The following NPLOC4 variants were observed in gnomAD, a reference collection of about 807,000 sequenced individuals.
NPLOC4 encodes NPL4 homolog, ubiquitin recognition factor.
In NPLOC4, 18 loss-of-function variants were observed where a neutral mutation model predicts 80.6. The ratio of observed to expected loss-of-function variants is 0.22; its 90% CI spans 0.15 to 0.33. The LOEUF is 0.33. Among genes scored for constraint, NPLOC4 ranks in the 10% least tolerant of loss-of-function variants. The probability of loss-of-function intolerance (pLI) is 1.00; values close to 1 mark genes in which losing one functional copy is unlikely to be tolerated. For missense variants in NPLOC4, 540 were observed against 786.1 expected (o/e 0.69, Z 3.74); for synonymous variants, 313 against 301.5 (o/e 1.04, Z -0.39).
intron 8 of NPLOC4, among the ~76,000 whole-genome samples, chr17:81,602,429 G>T (rs1000448822): frequency 1.3e-5 from 2 of 152,160 alleles, no homozygotes; most frequent in South Asian, 4.1e-4. Context: ...ATCAGGCCGG[G>T]CGCAGTGGCT....
In NPLOC4 at chr17:81,589,004, C is replaced by T. The variant is rs775371586; in HGVS notation, c.1221G>A (p.Pro407=). ...DECLLPCKDA[P]ELGYAKESSS... is the part of the protein sequence containing the mutation. ...TAGACTCCTTGGCGTAGCCAAGCTC[C>T]GGGGCGTCCTTGCATGGCAGCAAAC... The change falls in exon 12 of 17, where the codon CCG becomes CCA. Residue 407 remains proline, a synonymous_variant. Transcript: ENST00000331134. 4 of 1,613,908 alleles carry T rather than the reference C, an allele frequency of 2.5e-6. No individual in the cohort carries two copies. The highest frequency in any genetic ancestry group is 2.2e-5 in the East Asian group (1 of 44,896).
intron 5 of NPLOC4, 44 bp downstream of exon 5, chr17:81,610,166 A>T (rs1397418995): frequency 3.9e-6 from 6 of 1,536,714 alleles, no homozygotes; most frequent in Non-Finnish European, 5.3e-6. Context: ...GTCTACCCGC[A>T]GCCCCCCACA....
At chr17:81,631,628 T>C (rs933109365) in intron 1 of NPLOC4, among the ~76,000 whole-genome samples, 5 of 151,816 alleles carry the variant, frequency 3.3e-5, no homozygotes, top group African/African-American at 1.2e-4. Context: ...GAGGATGACA[T>C]GGCATGCTCT....
chr17:81,589,753 T>A (rs1360535596), intron 11 of NPLOC4, among the ~76,000 whole-genome samples: 1 of 151,542 alleles, frequency 6.6e-6, no homozygotes, highest in East Asian at 1.9e-4. Context: ...ATCTGAGCAC[T>A]CTGAGAGGGC....
intron 11 of NPLOC4, among the ~76,000 whole-genome samples, chr17:81,591,974 T>A (rs1185703098): frequency 2.0e-5 from 3 of 152,220 alleles, no homozygotes; most frequent in Admixed American, 1.3e-4. Flanking sequence ...CACTGCACTG[T>A]CCTTCCACAG....
In NPLOC4 at chr17:81,557,668, G is replaced by A. The variant is rs1287943897; in HGVS notation, c.*1591C>T. ...AACTTCAGTGTGACAGCTGCTAGGA[G>A]GGAGAGCAGACAGCCCGCGGTGGGC... On this transcript the variant is annotated 3_prime_UTR_variant, in exon 17 of 17. Transcript: ENST00000331134. 2.0e-5 allele frequency: 3 copies of A among 152,334 alleles called. No individual in the cohort carries two copies. The highest frequency in any genetic ancestry group is 1.3e-4 in the Admixed American group (2 of 15,282). 9.4% of individuals were successfully genotyped at this position (152,334 alleles called of 1,614,324 possible). A position where few individuals can be genotyped will look rare whatever the true frequency, so the allele number is the denominator to read the frequency against.
chr17:81,599,906 G>C (rs964946620), intron 9 of NPLOC4, among the ~76,000 whole-genome samples: 1 of 152,178 alleles, frequency 6.6e-6, no homozygotes, highest in Non-Finnish European at 1.5e-5. Context: ...CACAGAACAT[G>C]AACACTGTCA....
At chr17:81,582,942 C>G (rs2034483539) in intron 12 of NPLOC4, among the ~76,000 whole-genome samples, 1 of 152,272 alleles carries the variant, frequency 6.6e-6, no homozygotes, top group Admixed American at 6.5e-5. Flanking sequence ...CACAAAAACC[C>G]AAGGAGCCTC....
In NPLOC4 at chr17:81,622,237, A is replaced by T. The variant is rs202010871; in HGVS notation, c.138T>A (p.Val46=). 3.1e-6 allele frequency: 5 copies of T among 1,613,936 alleles called. No homozygotes were observed. The highest frequency in any genetic ancestry group is 3.4e-6 in the Non-Finnish European group (4 of 1,179,838). ...EFGFQNNGFS[V]YINRNKTGEI... ...CTCCGGTCTTGTTTCTATTGATGTA[A>T]ACCGAGAAGCCATTATTTTGGAAGC... Residue 46 remains valine, a synonymous_variant, in exon 3 of 17, where the codon GTT becomes GTA. Transcript: ENST00000331134.
chr17:81,601,981 C>A (rs2035067959), intron 8 of NPLOC4, among the ~76,000 whole-genome samples: 1 of 151,886 alleles, frequency 6.6e-6, no homozygotes, highest in South Asian at 2.1e-4. Context: ...GGCTAGCCAT[C>A]CGGTGATCTC....
intron 12 of NPLOC4, among the ~76,000 whole-genome samples, chr17:81,576,144 G>C (rs555594764): frequency 6.6e-6 from 1 of 152,310 alleles, no homozygotes; most frequent in South Asian, 2.1e-4. Context: ...AGTGGGACTA[G>C]GTCAACCAGG....
At position 81,600,961 on chromosome 17, in the gene NPLOC4, G is replaced by A. The variant is rs74787657; in HGVS notation, c.835-534C>T. Among the ~76,000 whole-genome samples, 41 of 152,232 alleles carry A rather than the reference G, an allele frequency of 2.7e-4. No homozygotes were observed. In the East Asian group the frequency reaches 6.4e-3, roughly 24 times the overall value. On this transcript the variant is annotated intron_variant, in intron 8 of 16. Coordinates refer to ENST00000331134, the MANE Select transcript of NPLOC4 (RefSeq NM_017921.4). ...GGACACTATGAACTCCACAGAGAGC[G>A]ATGAGCTCACCAACCCTAAGGAAGG... is the stretch of plus-strand genomic sequence containing the variant.
rs867535055 is a variant in NPLOC4, at chr17:81,558,453, A to G, written c.*806T>C. The G allele has an allele frequency of 1.3e-5, 2 of 152,238 alleles. No individual in the cohort carries two copies. Among genetic ancestry groups the G allele is most frequent in the Admixed American group, 6.5e-5 (1 of 15,282 alleles). The allele number at this position is 152,238 out of a possible 1,614,324, so 9.4% of individuals were successfully genotyped here. ...AGAAAAGTCTCAGGCACTGAGGTTT[A>G]CTTCAAGGGAGAACTGACTGGTGCC... is the stretch of plus-strand genomic sequence containing the variant. On this transcript the variant is annotated 3_prime_UTR_variant, in exon 17 of 17. Transcript: ENST00000331134.
intron 2 of NPLOC4, among the ~76,000 whole-genome samples, chr17:81,622,531 T>G (rs924746771): frequency 1.3e-5 from 2 of 152,210 alleles, no homozygotes; most frequent in Non-Finnish European, 2.9e-5. Flanking sequence ...TTTAAGACTT[T>G]GAAGCAAACA....
chr17:81,633,961 G>C (rs1282645071), intron 1 of NPLOC4, among the ~76,000 whole-genome samples: 1 of 151,808 alleles, frequency 6.6e-6, no homozygotes, highest in Non-Finnish European at 1.5e-5. Context: ...CCGCCTCCCG[G>C]GTTCTAACTT....
At chr17:81,588,805 GA>G (rs2034658422) in intron 12 of NPLOC4, 138 bp downstream of exon 12, 1 of 690,024 alleles carries the variant, frequency 1.4e-6, no homozygotes, top group Non-Finnish European at 2.4e-6. Context: ...AAACGTGACA[GA>G]AGCCTTTAGT....
In NPLOC4 at chr17:81,629,744, G is replaced by A. The variant is rs1318418054; in HGVS notation, c.77C>T (p.Ala26Val). ...AGATACCTTTTTCAAAAATGTTGCTGCTGTTTCTCTCTTTGTTGCTGTGAT... is the reference window on the plus strand; with the variant it reads ...AGATACCTTTTTCAAAAATGTTGCTACTGTTTCTCTCTTTGTTGCTGTGAT... ...KRITATKRETAATFLKKVAKE... is the reference protein window; with the variant it reads ...KRITATKRETVATFLKKVAKE... Residue 26 changes from alanine (A) to valine (V), a missense_variant, in exon 2 of 17, where the codon GCA becomes GTA. Coordinates refer to ENST00000331134, the MANE Select transcript of NPLOC4 (RefSeq NM_017921.4). 1.2e-6 allele frequency: 2 copies of A among 1,613,588 alleles called. No individual in the cohort carries two copies. Among genetic ancestry groups the A allele is most frequent in the South Asian group, 1.1e-5 (1 of 91,070 alleles).
chr17:81,625,132 G>A (rs547926562), intron 2 of NPLOC4, among the ~76,000 whole-genome samples: 1 of 152,332 alleles, frequency 6.6e-6, no homozygotes, highest in South Asian at 2.1e-4. Context: ...ACCAGGCCCA[G>A]CTGACGAGCA....
At chr17:81,591,447 G>GAAA (rs71367067) in intron 11 of NPLOC4, among the ~76,000 whole-genome samples, 7,553 of 76,162 alleles carry the variant, frequency 0.099, 944 homozygotes, top group Non-Finnish European at 0.13. Flanking sequence ...GAGTAAAACA[G>GAAA]AAAAAAAAAA....
Sources: allele counts gnomAD v4.1 joint callset (sites outside exome capture counted in the v4.1 genomes callset), GRCh38; gene constraint gnomAD v4.1.1; transcripts MANE v1.5; gene names NCBI Gene and HGNC (gene_info 2026-07-23, HGNC 2026-07-21).